The following TLE2 variants were observed in gnomAD, a reference collection of about 807,000 sequenced individuals.
TLE2 encodes the protein TLE family member 2, transcriptional corepressor.
Under a neutral mutation model 97.2 loss-of-function variants are expected in TLE2, and 74 were observed. That is an observed-to-expected ratio of 0.76 (90% confidence interval 0.63 to 0.92). The LOEUF (loss-of-function observed/expected upper bound fraction) is 0.92. Ranked by LOEUF, TLE2 falls within the 40% of genes least tolerant of loss-of-function variation. TLE2 has a pLI of 0.00. For missense variants in TLE2, 1,038 were observed against 1,008.7 expected (o/e 1.03, Z -0.39); for synonymous variants, 499 against 432.1 (o/e 1.15, Z -1.92).
At chr19:3,010,957 C>T in intron 12 of TLE2, 65 bp downstream of exon 12, 2 of 1,538,238 alleles carry the variant, frequency 1.3e-6, no homozygotes, top group Non-Finnish European at 1.7e-6. Flanking sequence ...TCTCCAGCCC[C>T]TTTTCCTAGA....
At chr19:3,010,360 G>A (rs532026385) in intron 12 of TLE2, among the ~76,000 whole-genome samples, 66 of 138,170 alleles carry the variant, frequency 4.8e-4, no homozygotes, top group African/African-American at 1.1e-3. Flanking sequence ...GTGAAACTCC[G>A]TCTCAAAAAA....
At chr19:2,999,392 A>G (rs939336834) in intron 19 of TLE2, among the ~76,000 whole-genome samples, 10 of 152,306 alleles carry the variant, frequency 6.6e-5, no homozygotes, top group African/African-American at 2.4e-4. Context: ...GTGAGGATGC[A>G]GAGAATTTTA....
chr19:3,001,192 G>A (rs1599191923), intron 18 of TLE2, among the ~76,000 whole-genome samples: 1 of 151,514 alleles, frequency 6.6e-6, no homozygotes, highest in Admixed American at 6.6e-5. Flanking sequence ...AGAATCGCTT[G>A]AACCCAGGAC....
At chr19:3,020,081 G>A (rs2089805844) in intron 5 of TLE2, 7 of 368,264 alleles carry the variant, frequency 1.9e-5, no homozygotes, top group Admixed American at 1.6e-4. Context: ...CCAGGAGTTC[G>A]AGACCAGCCT....
In TLE2 at chr19:3,002,703, C is replaced by CT. The variant is rs113353995; in HGVS notation, c.1897-201dup. On this transcript the variant is annotated intron_variant, in intron 17 of 19. Coordinates refer to ENST00000262953, the MANE Select transcript of TLE2 (RefSeq NM_003260.5). The stretch of plus-strand genomic sequence containing the variant: ...GGCATGCACCATCACGCTGGATAAT[C>CT]TTTTTTTTTTTTTGAGACAGAGTCT... Among the ~76,000 whole-genome samples, 156 of 144,718 alleles carry CT rather than the reference C, an allele frequency of 1.1e-3. No individual in the cohort carries two copies. The Middle Eastern group carries it at 0.014, about 13-fold the overall frequency. The allele number at this position is 144,718 out of a possible 152,430, so 94.9% of individuals were successfully genotyped here. A position where few individuals can be genotyped will look rare whatever the true frequency, so the allele number is the denominator to read the frequency against.
intron 14 of TLE2, among the ~76,000 whole-genome samples, chr19:3,007,327 T>C (rs2089499997): frequency 1.3e-5 from 2 of 152,040 alleles, no homozygotes; most frequent in Non-Finnish European, 1.5e-5. Flanking sequence ...TGACTTCAAA[T>C]GATCCTCCCA....
upstream of TLE2, among the ~76,000 whole-genome samples, chr19:3,033,522 G>C (rs574517865): frequency 9.9e-5 from 15 of 152,144 alleles, no homozygotes; most frequent in South Asian, 3.1e-3. Flanking sequence ...GGCTGGTCTT[G>C]ATCTCCTGGC....
chr19:3,043,042 G>C (rs1397469200), intron 1 of TLE2, among the ~76,000 whole-genome samples: 1 of 152,070 alleles, frequency 6.6e-6, no homozygotes, highest in Non-Finnish European at 1.5e-5. Context: ...CTGCTCTCAA[G>C]CTCCTGGCCT....
chr19:3,041,431 G>A (rs538012034), intron 1 of TLE2, among the ~76,000 whole-genome samples: 2 of 152,068 alleles, frequency 1.3e-5, no homozygotes, highest in Non-Finnish European at 2.9e-5. Context: ...CCGCCTCCAG[G>A]CTTCGCCACC....
chr19:3,019,187 T>G lies in TLE2; in HGVS notation c.550+96A>C, dbSNP rs1488928272. 6.8e-7 allele frequency: 1 copy of G among 1,476,268 alleles called. No individual in the cohort carries two copies. Among genetic ancestry groups the G allele is most frequent in the Non-Finnish European group, 9.1e-7 (1 of 1,104,584 alleles). 91.4% of individuals were successfully genotyped at this position (1,476,268 alleles called of 1,614,324 possible). A position where few individuals can be genotyped will look rare whatever the true frequency, so the allele number is the denominator to read the frequency against. On this transcript the variant is annotated intron_variant, in intron 7 of 19. Transcript: ENST00000262953. The surrounding 1 kb of genome is among the most constrained non-coding windows in gnomAD (Gnocchi z 5.1). ...TGTTGGGATTATAGGCATGAGCCAC[T>G]TCATCCCCTCACGCTGATGTTTGCT...
intron 12 of TLE2, 125 bp downstream of exon 12, chr19:3,010,897 A>T (rs1232847328): frequency 7.4e-7 from 1 of 1,349,294 alleles, no homozygotes; most frequent in Non-Finnish European, 9.9e-7. Flanking sequence ...TTGAAGTCAC[A>T]AAAAGGACCA....
chr19:3,000,158 A>G (rs1373255005), intron 19 of TLE2, among the ~76,000 whole-genome samples: 1 of 149,786 alleles, frequency 6.7e-6, no homozygotes, highest in Non-Finnish European at 1.5e-5. Flanking sequence ...TGCAAGCTCC[A>G]CCTCCTGGGT....
At chr19:3,012,885 G>A (rs216269) in intron 11 of TLE2, among the ~76,000 whole-genome samples, 8,516 of 152,250 alleles carry the variant, frequency 0.056, 414 homozygotes, top group African/African-American at 0.13. Flanking sequence ...CGAGAGAGTG[G>A]ATGGGACGAC....
In TLE2 at chr19:3,005,427, C is replaced by T. The variant is rs144033921; in HGVS notation, c.1896+10G>A. ...GCTTCCATCCCCCTCCTGCCAGAAC[C>T]GAACAGCACCTGGGAGCTGAAGTCA... On this transcript the variant is annotated intron_variant, in intron 17 of 19. Coordinates refer to ENST00000262953, the MANE Select transcript of TLE2 (RefSeq NM_003260.5). 10,821 of 1,613,034 alleles carry T rather than the reference C, an allele frequency of 6.7e-3. 59 individuals are homozygous for T. Among genetic ancestry groups the T allele is most frequent in the Non-Finnish European group, 8.3e-3 (9,782 of 1,179,492 alleles).
chr19:3,009,738 C>T (rs769617706), intron 12 of TLE2, 36 bp from the exon 13 acceptor site: 1 of 1,573,534 alleles, frequency 6.4e-7, no homozygotes, highest in Non-Finnish European at 8.6e-7. Flanking sequence ...TTTTGACGCC[C>T]TGGACCCAGA....
Position 3,013,523 on chromosome 19 carries a change from T to TA in TLE2, c.873+145dup, listed in dbSNP as rs3834644. The TA allele has an allele frequency of 8.3e-3, 5,599 of 675,414 alleles. 24 individuals are homozygous for TA. The highest frequency in any genetic ancestry group is 0.038 in the African/African-American group (1,983 of 52,380). 41.8% of individuals were successfully genotyped at this position (675,414 alleles called of 1,614,324 possible). On this transcript the variant is annotated intron_variant, in intron 11 of 19. Transcript: ENST00000262953. ...ACAAAGTCAGTCCAAGCAGGAGGTT[T>TA]AAAAAAAAAAGCACAGGGAAAGGGT... is the stretch of plus-strand genomic sequence containing the variant.
At position 3,005,938 on chromosome 19, in the gene TLE2, A is replaced by G. The variant is rs1258781799; in HGVS notation, c.1531T>C (p.Leu511=). 1.2e-6 allele frequency: 2 copies of G among 1,610,740 alleles called. No homozygotes were observed. Among genetic ancestry groups the G allele is most frequent in the Middle Eastern group, 1.6e-4 (1 of 6,068 alleles). ...NRDNYIRSCK[L]LPDGRSLIVG... ...ATCAGACTCCGGCCATCCGGCAGCA[A>G]CTTGCAGGAACGAATGTAGTTGTCT... Residue 511 remains leucine, a synonymous_variant, in exon 16 of 20, where the codon TTG becomes CTG. Transcript: ENST00000262953.
chr19:2,999,016 G>A (rs1415378151), intron 19 of TLE2, among the ~76,000 whole-genome samples: 1 of 152,146 alleles, frequency 6.6e-6, no homozygotes, highest in African/African-American at 2.4e-5. Flanking sequence ...AATATAAAGG[G>A]TTGGCACGGT....
At chr19:3,002,248 T>C (rs1441239661) in intron 18 of TLE2, 105 bp downstream of exon 18, 5 of 1,349,396 alleles carry the variant, frequency 3.7e-6, no homozygotes, top group Non-Finnish European at 4.9e-6. Context: ...TAAAACTTAG[T>C]ATATAAATAA....
Sources: allele counts gnomAD v4.1 joint callset (sites outside exome capture counted in the v4.1 genomes callset), GRCh38; gene constraint gnomAD v4.1.1; non-coding constraint Gnocchi (gnomAD v3.1); transcripts MANE v1.5; gene names NCBI Gene and HGNC (gene_info 2026-07-23, HGNC 2026-07-21).